ISL1: variants seen among roughly 807,000 people sequenced by gnomAD.
ISL1 encodes the protein ISL LIM homeobox 1.
A neutral mutation model predicts 35.3 loss-of-function variants in ISL1; 4 were observed. The ratio of observed to expected loss-of-function variants is 0.11; its 90% CI spans 0.06 to 0.26. ISL1 has a LOEUF of 0.26. Ranked by LOEUF, ISL1 falls within the 10% of genes least tolerant of loss-of-function variation. The pLI, the probability that ISL1 is intolerant of heterozygous loss-of-function variation, is 1.00. For missense variants in ISL1, 340 were observed against 472.8 expected (o/e 0.72, Z 2.60); for synonymous variants, 186 against 172.3 (o/e 1.08, Z -0.62).
intron 5 of ISL1, among the ~76,000 whole-genome samples, chr5:51,391,839 C>T (rs376534818): frequency 2.0e-5 from 3 of 152,194 alleles, no homozygotes; most frequent in African/African-American, 7.2e-5. Flanking sequence ...GTAAGTTTAT[C>T]CTTCCTGAGC....
intron 4 of ISL1, 100 bp downstream of exon 4, chr5:51,390,032 CT>C: frequency 5.1e-6 from 7 of 1,380,698 alleles, no homozygotes; most frequent in Non-Finnish European, 6.9e-6. Context: ...TTCAATCCTG[CT>C]CCTGGGCAGG....
Position 51,383,717 on chromosome 5 carries a change from C to A in ISL1, c.28+18C>A, listed in dbSNP as rs547738426. The A allele has an allele frequency of 1.2e-5, 20 of 1,604,878 alleles. No homozygotes were observed. Among genetic ancestry groups the A allele is most frequent in the South Asian group, 3.3e-5 (3 of 90,882 alleles). Reference sequence around the variant, plus strand: ...ACCAAAAAGTAAGAGGCTATTTTACCTTGTGGGGCTCGGTGTGCTGTTCTT... The same window carrying A: ...ACCAAAAAGTAAGAGGCTATTTTACATTGTGGGGCTCGGTGTGCTGTTCTT... On this transcript the variant is annotated intron_variant, in intron 1 of 5. Coordinates refer to ENST00000230658, the MANE Select transcript of ISL1 (RefSeq NM_002202.3).
rs1747569477 is a variant in ISL1 at position 51,393,635 on chromosome 5, T to C, written c.*25T>C. 1 of 1,430,574 alleles carries C rather than the reference T, an allele frequency of 7.0e-7. No individual in the cohort carries two copies. Among genetic ancestry groups the C allele is most frequent in the East Asian group, 2.3e-5 (1 of 44,032 alleles). The allele number at this position is 1,430,574 out of a possible 1,614,324, so 88.6% of individuals were successfully genotyped here. On this transcript the variant is annotated 3_prime_UTR_variant, in exon 6 of 6. Coordinates refer to ENST00000230658, the MANE Select transcript of ISL1 (RefSeq NM_002202.3). The stretch of plus-strand genomic sequence containing the variant: ...AGGAACATTCATTCTGTATTTTTTT[T>C]CCCTGTTGGAGAAAGTGGGAAATTA...
At chr5:51,391,602 G>A (rs1164714831) in intron 5 of ISL1, 161 bp downstream of exon 5, 12 of 752,214 alleles carry the variant, frequency 1.6e-5, no homozygotes, top group South Asian at 9.3e-5. Flanking sequence ...ACAAATGCAG[G>A]GAAAACGAAC....
intron 5 of ISL1, among the ~76,000 whole-genome samples, chr5:51,392,817 C>G (rs751414821): frequency 6.6e-6 from 1 of 151,892 alleles, no homozygotes. Context: ...CAGTACAATG[C>G]GTTTAGGGTT....
At chr5:51,383,804 T>C in intron 1 of ISL1, 105 bp downstream of exon 1, 1 of 980,896 alleles carries the variant, frequency 1.0e-6, no homozygotes, top group Non-Finnish European at 1.7e-6. Flanking sequence ...TTGGAGTCAT[T>C]GCCTGGAGAA....
At chr5:51,391,126 T>C in intron 4 of ISL1, 148 bp from the exon 5 acceptor site, 1 of 728,292 alleles carries the variant, frequency 1.4e-6, no homozygotes, top group Non-Finnish European at 2.2e-6. Context: ...CTAACTAATA[T>C]CCGTAGGTAC....
rs1561208334 is a variant in ISL1, at chr5:51,390,651, T to TC, written c.766-623_766-622insC. Among the ~76,000 whole-genome samples, 17 of 102,522 alleles carry TC rather than the reference T, an allele frequency of 1.7e-4. 1 individual carries two copies. The highest frequency in any genetic ancestry group is 2.0e-4 in the Admixed American group (2 of 9,938). 67.3% of individuals were successfully genotyped at this position (102,522 alleles called of 152,430 possible). On this transcript the variant is annotated intron_variant, in intron 4 of 5. Coordinates refer to ENST00000230658, the MANE Select transcript of ISL1 (RefSeq NM_002202.3). ...TCTTTTCTTTCTTTTTCTTTTTTTT[T>TC]TTTTTTTTTTTTTTTTTTTTTTTTT... is the stretch of plus-strand genomic sequence containing the variant.
intron 2 of ISL1, among the ~76,000 whole-genome samples, chr5:51,384,986 G>A (rs1007913095): frequency 5.9e-5 from 9 of 152,190 alleles, no homozygotes; most frequent in Non-Finnish European, 1.2e-4. Flanking sequence ...TACTCTTGGA[G>A]TTTATGATGC....
intron 5 of ISL1, among the ~76,000 whole-genome samples, chr5:51,392,817 C>T (rs751414821): frequency 2.0e-5 from 3 of 151,892 alleles, no homozygotes; most frequent in Non-Finnish European, 4.4e-5. Context: ...CAGTACAATG[C>T]GTTTAGGGTT....
rs1468336722 is a variant in ISL1 at position 51,389,567 on chromosome 5, G to A, written c.479-79G>A. On this transcript the variant is annotated intron_variant, in intron 3 of 5. Coordinates refer to ENST00000230658, the MANE Select transcript of ISL1 (RefSeq NM_002202.3). The surrounding 1 kb of genome is among the most constrained non-coding windows in gnomAD (Gnocchi z 5.0). ...CGGGCGGGCGGGCGGGCAAGCGAGC[G>A]AGCGAGCGAGCGCGCGACCGCGGGC... 3.1e-6 allele frequency: 4 copies of A among 1,300,928 alleles called. No individual in the cohort carries two copies. The highest frequency in any genetic ancestry group is 8.0e-5 in the Admixed American group (2 of 25,110). The allele number at this position is 1,300,928 out of a possible 1,614,324, so 80.6% of individuals were successfully genotyped here. A position where few individuals can be genotyped will look rare whatever the true frequency, so the allele number is the denominator to read the frequency against.
At position 51,387,324 on chromosome 5, in the gene ISL1, G is replaced by A. The variant is rs1415309516; in HGVS notation, c.219-166G>A. 6.6e-6 allele frequency among the ~76,000 whole-genome samples: 1 copy of A among 152,192 alleles called. No individual in the cohort carries two copies. The highest frequency in any genetic ancestry group is 1.5e-5 in the Non-Finnish European group (1 of 68,040). On this transcript the variant is annotated intron_variant, in intron 2 of 5. Transcript: ENST00000230658. The surrounding 1 kb of genome is among the most constrained non-coding windows in gnomAD (Gnocchi z 4.3). ...GAGAGACAGGGAAGGAGAGAGCAGG[G>A]TTTCATTTCTGTCCTTCTGTTTCCA...
chr5:51,384,420 A>G, intron 1 of ISL1, 121 bp from the exon 2 acceptor site: 2 of 812,674 alleles, frequency 2.5e-6, no homozygotes, highest in East Asian at 5.2e-5. Flanking sequence ...AAAAAAAAAG[A>G]AAGAAAGAAA....
intron 4 of ISL1, 56 bp from the exon 5 acceptor site, chr5:51,391,218 G>C: frequency 6.3e-7 from 1 of 1,583,646 alleles, no homozygotes; most frequent in Non-Finnish European, 8.7e-7. Context: ...GCAGACAACG[G>C]AGGGAGGGAA....
At position 51,389,570 on chromosome 5, in the gene ISL1, C is replaced by T; in HGVS notation, c.479-76C>T. The T allele has an allele frequency of 3.8e-6, 5 of 1,314,400 alleles. No individual in the cohort carries two copies. The South Asian group carries it at 7.5e-5, about 20-fold the overall frequency. 81.4% of individuals were successfully genotyped at this position (1,314,400 alleles called of 1,614,324 possible). A position where few individuals can be genotyped will look rare whatever the true frequency, so the allele number is the denominator to read the frequency against. ...GCGGGCGGGCGGGCAAGCGAGCGAG[C>T]GAGCGAGCGCGCGACCGCGGGCGGG... is the stretch of plus-strand genomic sequence containing the variant. On this transcript the variant is annotated intron_variant, in intron 3 of 5. Transcript: ENST00000230658. The surrounding 1 kb of genome is among the most constrained non-coding windows in gnomAD (Gnocchi z 5.0).
At chr5:51,391,233 C>T (rs759916216) in intron 4 of ISL1, 41 bp from the exon 5 acceptor site, 14 of 1,605,854 alleles carry the variant, frequency 8.7e-6, no homozygotes, top group East Asian at 2.2e-5. Context: ...AGGGAATTTG[C>T]TCATTAACAT....
intron 3 of ISL1, among the ~76,000 whole-genome samples, chr5:51,388,869 G>A (rs576170745): frequency 4.6e-4 from 70 of 152,072 alleles, no homozygotes; most frequent in Admixed American, 3.1e-3. Context: ...GGGAGGCGGG[G>A]GACATCTCCC....
In ISL1 at chr5:51,391,244, G is replaced by A. The variant is rs751212286; in HGVS notation, c.766-30G>A. 1.9e-6 allele frequency: 3 copies of A among 1,610,890 alleles called. No homozygotes were observed. The South Asian group carries it at 3.3e-5, about 18-fold the overall frequency. On this transcript the variant is annotated intron_variant, in intron 4 of 5. Transcript: ENST00000230658. ...AGGGAGGGAATTTGCTCATTAACAT[G>A]TTGGGATTGGTTGGGGGGCCTATTC... is the stretch of plus-strand genomic sequence containing the variant.
At chr5:51,386,790 G>A (rs1219531427) in intron 2 of ISL1, among the ~76,000 whole-genome samples, 2 of 152,130 alleles carry the variant, frequency 1.3e-5, no homozygotes, top group Non-Finnish European at 2.9e-5. Context: ...ATAATACAAG[G>A]AAGAATGGAG....
Sources: allele counts gnomAD v4.1 joint callset (sites outside exome capture counted in the v4.1 genomes callset), GRCh38; gene constraint gnomAD v4.1.1; non-coding constraint Gnocchi (gnomAD v3.1); transcripts MANE v1.5; gene names NCBI Gene and HGNC (gene_info 2026-07-23, HGNC 2026-07-21).